GPCPD1: variants seen among roughly 807,000 people sequenced by gnomAD.
GPCPD1 encodes glycerophosphocholine phosphodiesterase 1.
In GPCPD1, 29 loss-of-function variants were observed where a neutral mutation model predicts 89.2. That is an observed-to-expected ratio of 0.33 (90% confidence interval 0.24 to 0.44). The LOEUF (loss-of-function observed/expected upper bound fraction) is 0.44, where lower values mean the gene tolerates loss of function less well. Ranked by LOEUF, GPCPD1 falls within the 20% of genes least tolerant of loss-of-function variation. The pLI is 1.00. For missense variants in GPCPD1, 594 were observed against 808.9 expected, an observed-to-expected ratio of 0.73 and a Z score of 3.22; for synonymous variants, 258 against 266.3, an observed-to-expected ratio of 0.97 and a Z score of 0.30.
chr20:5,605,425 T>C (rs1980512989), intron 1 of GPCPD1, among the ~76,000 whole-genome samples: 1 of 152,200 alleles, frequency 6.6e-6, no homozygotes, highest in South Asian at 2.1e-4. Context: ...ACTTGTTATG[T>C]TGTGGAACAA....
At chr20:5,576,094 T>A (rs1170097452) in intron 8 of GPCPD1, 116 bp from the exon 9 acceptor site, 6 of 448,364 alleles carry the variant, frequency 1.3e-5, no homozygotes, top group Non-Finnish European at 1.1e-5. Context: ...ATATATGAAA[T>A]GTGTATATAT....
intron 8 of GPCPD1, among the ~76,000 whole-genome samples, chr20:5,577,334 T>C (rs1978294644): frequency 6.6e-6 from 1 of 151,586 alleles, no homozygotes. Context: ...AACGTTTTTT[T>C]TAAATTAGCT....
chr20:5,581,560 A>C (rs973609405), intron 6 of GPCPD1, among the ~76,000 whole-genome samples: 5 of 152,212 alleles, frequency 3.3e-5, no homozygotes, highest in Non-Finnish European at 5.9e-5. Flanking sequence ...ACTGTGAGTC[A>C]GAGCCATATT....
intron 1 of GPCPD1, among the ~76,000 whole-genome samples, chr20:5,604,774 T>TACAC (rs11466989): frequency 0.072 from 10,008 of 139,068 alleles, 459 homozygotes; most frequent in African/African-American, 0.13. Context: ...GCCTCATGTC[T>TACAC]ACACACACAC....
chr20:5,570,786 G>C (rs1408056917), intron 11 of GPCPD1, among the ~76,000 whole-genome samples: 1 of 152,106 alleles, frequency 6.6e-6, no homozygotes, highest in Non-Finnish European at 1.5e-5. Flanking sequence ...ACAGAAACAG[G>C]AAAAAGATGA....
At chr20:5,551,385 A>T (rs1216815168) in intron 19 of GPCPD1, among the ~76,000 whole-genome samples, 2 of 152,218 alleles carry the variant, frequency 1.3e-5, no homozygotes, top group African/African-American at 4.8e-5. Context: ...GCATAAAATA[A>T]GCTGGGTGCA....
At chr20:5,607,596 A>G (rs1980679912) in intron 1 of GPCPD1, among the ~76,000 whole-genome samples, 1 of 152,100 alleles carries the variant, frequency 6.6e-6, no homozygotes, top group African/African-American at 2.4e-5. Flanking sequence ...AAAAGAAAAA[A>G]AAAAGGCTTC....
chr20:5,608,790 C>T (rs1185739615), intron 1 of GPCPD1, among the ~76,000 whole-genome samples: 1 of 152,126 alleles, frequency 6.6e-6, no homozygotes, highest in African/African-American at 2.4e-5. Flanking sequence ...CAGGCTTTTG[C>T]TTTTTGGTTT....
chr20:5,582,337 A>G (rs957476744), intron 6 of GPCPD1, among the ~76,000 whole-genome samples: 3 of 152,086 alleles, frequency 2.0e-5, no homozygotes, highest in Non-Finnish European at 2.9e-5. Flanking sequence ...TTTCTGATGT[A>G]ATATAAACAA....
At chr20:5,588,084 G>A (rs1361152224) in intron 4 of GPCPD1, among the ~76,000 whole-genome samples, 2 of 152,144 alleles carry the variant, frequency 1.3e-5, no homozygotes, top group Non-Finnish European at 2.9e-5. Context: ...TTAAAAATAT[G>A]GTGACTTTCG....
chr20:5,572,753 A>C (rs1443401743), intron 11 of GPCPD1, among the ~76,000 whole-genome samples: 2 of 151,984 alleles, frequency 1.3e-5, no homozygotes, highest in African/African-American at 2.4e-5. Flanking sequence ...AAAAATGTCC[A>C]AGTTGCAGTT....
chr20:5,581,846 T>G (rs1978518617), intron 6 of GPCPD1, among the ~76,000 whole-genome samples: 1 of 125,892 alleles, frequency 7.9e-6, no homozygotes, highest in Non-Finnish European at 1.7e-5. Flanking sequence ...TTTTTTTTTT[T>G]TGCAGAAAAG....
rs1465149891 is a variant in GPCPD1 at position 5,547,712 on chromosome 20, C to A, written c.1968G>T (p.Glu656Asp). 1 of 1,610,808 alleles carries A rather than the reference C, an allele frequency of 6.2e-7. No homozygotes were observed. Residue 656 changes from glutamate to aspartate, a missense_variant, in exon 20 of 20, where the codon GAG (glutamate) becomes GAT (aspartate). Transcript: ENST00000379019. ...CGTTGGCATCCACATGGATATCAGA[C>A]TCCCCACACAAAGATGAGGGAACAA... ...SRFVPSSLCG[E>D]SDIHVDANGI...
At chr20:5,579,196 T>A (rs1029451074) in intron 7 of GPCPD1, among the ~76,000 whole-genome samples, 1 of 151,736 alleles carries the variant, frequency 6.6e-6, no homozygotes, top group Non-Finnish European at 1.5e-5. Context: ...AAAGAAAAAA[T>A]ATATATATTA....
chr20:5,596,188 A>T (rs1419260323), intron 3 of GPCPD1, among the ~76,000 whole-genome samples: 2 of 152,122 alleles, frequency 1.3e-5, no homozygotes, highest in Non-Finnish European at 2.9e-5. Context: ...AGCTTGAGCC[A>T]GGAGTTCACA....
At chr20:5,558,938 C>A in intron 17 of GPCPD1, 119 bp from the exon 18 acceptor site, 1 of 714,200 alleles carries the variant, frequency 1.4e-6, no homozygotes, top group South Asian at 2.1e-5. Flanking sequence ...CATGGTGGCT[C>A]ACACCTGTAA....
Position 5,575,413 on chromosome 20 carries a change from T to C in GPCPD1, c.1001A>G (p.Gln334Arg), listed in dbSNP as rs1251561924. 6.2e-7 allele frequency: 1 copy of C among 1,603,340 alleles called. No individual in the cohort carries two copies. Among genetic ancestry groups the C allele is most frequent in the Admixed American group, 1.7e-5 (1 of 59,010 alleles). ...AATCCTACTCAAATATTCAACTTAC[T>C]GGGCAGTTGTTGTAGAGTTTCCTGC... ...RGAGNSTTTA[Q>R]LAKVQENTIA... Residue 334 changes from glutamine to arginine, a missense_variant and splice_region_variant, in exon 10 of 20, where the codon CAG (glutamine) becomes CGG (arginine). By Grantham distance (43) the Gln-to-Arg change is conservative (BLOSUM62 1). Coordinates refer to ENST00000379019, the MANE Select transcript of GPCPD1 (RefSeq NM_019593.5).
At chr20:5,572,963 C>G (rs1247079975) in intron 11 of GPCPD1, among the ~76,000 whole-genome samples, 1 of 152,134 alleles carries the variant, frequency 6.6e-6, no homozygotes, top group African/African-American at 2.4e-5. Flanking sequence ...CCTCAAACTC[C>G]TGGGCTCCAG....
intron 9 of GPCPD1, 27 bp downstream of exon 9, chr20:5,575,789 G>T: frequency 6.7e-7 from 1 of 1,482,060 alleles, no homozygotes; most frequent in South Asian, 1.2e-5. Flanking sequence ...TTAACCTTGG[G>T]TTATTTGGCA....
Sources: gnomAD v4.1 joint callset for allele counts (sites outside exome capture counted in the v4.1 genomes callset) on GRCh38, gnomAD v4.1.1 for gene constraint, MANE v1.5 for transcripts, NCBI Gene and HGNC (gene_info 2026-07-23, HGNC 2026-07-21) for gene names.